The following GALNT2 variants were observed in gnomAD, a reference collection of about 807,000 sequenced individuals.
GALNT2 encodes the protein polypeptide N-acetylgalactosaminyltransferase 2, also known as UDP-GalNAc:polypeptide N-acetylgalactosaminyltransferase 2.
A neutral mutation model predicts 81.4 loss-of-function variants in GALNT2; 31 were observed. The ratio of observed to expected loss-of-function variants is 0.38; its 90% CI spans 0.29 to 0.51. The LOEUF (loss-of-function observed/expected upper bound fraction) is 0.51, where lower values mean the gene tolerates loss of function less well. Ranked by LOEUF, GALNT2 falls within the 20% of genes least tolerant of loss-of-function variation. The pLI is 0.87. For missense variants in GALNT2, 629 were observed against 765.7 expected, an observed-to-expected ratio of 0.82 and a Z score of 2.11; for synonymous variants, 303 against 287.4, an observed-to-expected ratio of 1.05 and a Z score of -0.55.
chr1:230,152,335 G>T (rs1662116795), intron 1 of GALNT2, among the ~76,000 whole-genome samples: 1 of 152,146 alleles, frequency 6.6e-6, no homozygotes, highest in Admixed American at 6.5e-5. Flanking sequence ...CCGACACTTG[G>T]CTAGAATCTC....
At chr1:230,260,533 C>T (rs1665847673) in intron 11 of GALNT2, among the ~76,000 whole-genome samples, 1 of 152,162 alleles carries the variant, frequency 6.6e-6, no homozygotes, top group African/African-American at 2.4e-5. Flanking sequence ...ACCTTTAAAT[C>T]ATTAAGGCTG....
chr1:230,108,779 G>GT (rs1324638999), intron 1 of GALNT2, among the ~76,000 whole-genome samples: 1 of 152,180 alleles, frequency 6.6e-6, no homozygotes, highest in East Asian at 1.9e-4. Context: ...GTTTAACTTC[G>GT]TGACCGTGTG....
upstream of GALNT2, among the ~76,000 whole-genome samples, chr1:230,062,954 C>T (rs990670096): frequency 4.6e-5 from 7 of 152,114 alleles, no homozygotes; most frequent in East Asian, 3.9e-4. Flanking sequence ...AACAGCAGTG[C>T]GTAAGGGTTC....
At chr1:230,167,885 T>A (rs1394461035) in intron 1 of GALNT2, among the ~76,000 whole-genome samples, 1 of 152,266 alleles carries the variant, frequency 6.6e-6, no homozygotes, top group African/African-American at 2.4e-5. Context: ...TCTTACCTAT[T>A]GGCAATGATT....
At chr1:230,267,190 C>T (rs552778707) in intron 14 of GALNT2, among the ~76,000 whole-genome samples, 1 of 152,332 alleles carries the variant, frequency 6.6e-6, no homozygotes, top group African/African-American at 2.4e-5. Context: ...GTGTACATGA[C>T]TTCATATCAT....
rs1666290938 is a variant in GALNT2, at chr1:230,275,916, A to G, written c.1560+1352A>G. Reference sequence around the variant, plus strand: ...ATAAACACCACATATATACATAGACACCACAGATACATACATATATACATG... The same window carrying G: ...ATAAACACCACATATATACATAGACGCCACAGATACATACATATATACATG... On this transcript the variant is annotated intron_variant, in intron 15 of 15. Coordinates refer to ENST00000366672, the MANE Select transcript of GALNT2 (RefSeq NM_004481.5). This position sits in a 1 kb window ranked among gnomAD's most constrained non-coding sequence, Gnocchi z 5.5. Among the ~76,000 whole-genome samples the G allele has an allele frequency of 6.6e-6, 1 of 151,322 alleles. No individual in the cohort carries two copies. The highest frequency in any genetic ancestry group is 1.5e-5 in the Non-Finnish European group (1 of 67,820).
At chr1:230,136,491 G>C (rs761462869) in intron 1 of GALNT2, among the ~76,000 whole-genome samples, 1 of 152,080 alleles carries the variant, frequency 6.6e-6, no homozygotes, top group Non-Finnish European at 1.5e-5. Context: ...TTTCTCTCCC[G>C]GATGTGAGTT....
At chr1:230,177,315 G>A (rs115325210) in intron 1 of GALNT2, among the ~76,000 whole-genome samples, 1,653 of 152,346 alleles carry the variant, frequency 0.011, 25 homozygotes, top group African/African-American at 0.037. Flanking sequence ...TCCCCGCCCC[G>A]CAGGGAGGGA....
chr1:230,154,996 C>T (rs1292506201), intron 1 of GALNT2, among the ~76,000 whole-genome samples: 1 of 152,192 alleles, frequency 6.6e-6, no homozygotes, highest in East Asian at 1.9e-4. Flanking sequence ...CTTAAAAAGA[C>T]TTTCTCTGAC....
chr1:230,185,931 A>C (rs1663322027), intron 2 of GALNT2, among the ~76,000 whole-genome samples: 1 of 152,064 alleles, frequency 6.6e-6, no homozygotes, highest in South Asian at 2.1e-4. Flanking sequence ...AGGGGTTTCT[A>C]CTTACAGGCT....
intron 3 of GALNT2, among the ~76,000 whole-genome samples, chr1:230,231,975 A>T (rs1664879428): frequency 6.6e-6 from 1 of 152,186 alleles, no homozygotes. Flanking sequence ...CTCGATTCCC[A>T]AAGAAAGCTC....
intron 11 of GALNT2, 97 bp from the exon 12 acceptor site, chr1:230,262,476 G>A: frequency 9.8e-7 from 1 of 1,022,588 alleles, no homozygotes; most frequent in South Asian, 1.4e-5. Context: ...CACACCCAGA[G>A]GGAGCCGCCT....
At chr1:230,278,437 T>TTTATGTTAC (rs1479908970) in intron 15 of GALNT2, among the ~76,000 whole-genome samples, 2 of 152,164 alleles carry the variant, frequency 1.3e-5, no homozygotes, top group Non-Finnish European at 2.9e-5. Flanking sequence ...GAAAGGGGTA[T>TTTATGTTAC]TTATGTTACT....
chr1:230,115,783 G>A (rs745469373), intron 1 of GALNT2, among the ~76,000 whole-genome samples: 3 of 152,232 alleles, frequency 2.0e-5, no homozygotes, highest in Non-Finnish European at 2.9e-5. Context: ...ATAGGAGTCA[G>A]TTCCCTCAAA....
intron 11 of GALNT2, among the ~76,000 whole-genome samples, chr1:230,255,894 A>G (rs998786671): frequency 6.6e-6 from 1 of 152,212 alleles, no homozygotes; most frequent in African/African-American, 2.4e-5. Flanking sequence ...TCTCTAACCA[A>G]ATACCACAGA....
At chr1:230,253,709 G>A (rs1665619948) in intron 10 of GALNT2, among the ~76,000 whole-genome samples, 1 of 152,004 alleles carries the variant, frequency 6.6e-6, no homozygotes, top group South Asian at 2.1e-4. Context: ...CCTCCTCCTG[G>A]TTATTTGAAA....
At chr1:230,235,926 G>T in intron 3 of GALNT2, 88 bp from the exon 4 acceptor site, 2 of 1,139,942 alleles carry the variant, frequency 1.8e-6, no homozygotes, top group Non-Finnish European at 2.6e-6. Flanking sequence ...CATCCCAGTT[G>T]GTCAGTCTGC....
chr1:230,235,242 C>CTTACTGTTCT (rs1253742869), intron 3 of GALNT2, among the ~76,000 whole-genome samples: 1 of 142,682 alleles, frequency 7.0e-6, no homozygotes, highest in African/African-American at 2.6e-5. Flanking sequence ...AAAAAAGCTA[C>CTTACTGTTCT]TTACTGTTCT....
At chr1:230,121,673 G>C (rs926037757) in intron 1 of GALNT2, among the ~76,000 whole-genome samples, 11 of 152,106 alleles carry the variant, frequency 7.2e-5, no homozygotes, top group African/African-American at 2.2e-4. Context: ...AGCAATAATA[G>C]CTGACTGTAA....
Sources: gnomAD v4.1 joint callset for allele counts (sites outside exome capture counted in the v4.1 genomes callset) on GRCh38, gnomAD v4.1.1 for gene constraint, Gnocchi (gnomAD v3.1) non-coding constraint, MANE v1.5 for transcripts, NCBI Gene and HGNC (gene_info 2026-07-23, HGNC 2026-07-21) for gene names.